Variants in QTMAN observed in about 807,000 individuals in gnomAD.
QTMAN encodes the protein queuosine-tRNA mannosyltransferase, also known as tRNA-queuosine alpha-mannosyltransferase.
At chr2:144,131,320 C>T in the QTMAN span, among the ~76,000 whole-genome samples, 9 of 151,908 alleles carry the variant, frequency 5.9e-5, no homozygotes, top group South Asian at 2.1e-4. Flanking sequence ...CGAAATCTCC[C>T]GGACACTCCT....
chr2:144,181,039 T>C, the QTMAN span, among the ~76,000 whole-genome samples: 3 of 152,284 alleles, frequency 2.0e-5, no homozygotes, highest in East Asian at 1.9e-4. Flanking sequence ...TGACATGACA[T>C]TGTATTTAAT....
chr2:144,117,936 C>T, the QTMAN span, among the ~76,000 whole-genome samples: 1 of 152,084 alleles, frequency 6.6e-6, no homozygotes, highest in African/African-American at 2.4e-5. Context: ...AGCTCCACCT[C>T]CTGGGTTCAC....
chr2:144,093,894 T>G, the QTMAN span, among the ~76,000 whole-genome samples: 1 of 152,232 alleles, frequency 6.6e-6, no homozygotes, highest in Non-Finnish European at 1.5e-5. Context: ...TATATACACA[T>G]TTATAAGCAG....
chr2:144,138,770 G>A, the QTMAN span, among the ~76,000 whole-genome samples: 7 of 152,180 alleles, frequency 4.6e-5, no homozygotes, highest in African/African-American at 1.7e-4. Flanking sequence ...AATGAAGATA[G>A]AAGATTTGGT....
chr2:144,207,474 C>T, the QTMAN span, among the ~76,000 whole-genome samples: 1 of 152,154 alleles, frequency 6.6e-6, no homozygotes, highest in Admixed American at 6.5e-5. Flanking sequence ...ATTGGAGCTT[C>T]CAACATGCCC....
chr2:143,963,455 A>G, the QTMAN span, among the ~76,000 whole-genome samples: 1,487 of 151,154 alleles, frequency 9.8e-3, 5 homozygotes, highest in Non-Finnish European at 0.015. Flanking sequence ...TACAAGTTGT[A>G]TTTCTGCTTC....
the QTMAN span, among the ~76,000 whole-genome samples, chr2:144,057,821 G>A: frequency 6.6e-6 from 1 of 152,034 alleles, no homozygotes; most frequent in African/African-American, 2.4e-5. Context: ...TGAATAACCA[G>A]GATCCAGGGT....
chr2:144,254,733 C>T, the QTMAN span, among the ~76,000 whole-genome samples: 3 of 152,306 alleles, frequency 2.0e-5, no homozygotes, highest in Non-Finnish European at 2.9e-5. Context: ...ACACTAAACA[C>T]GAGCCCATGG....
chr2:144,220,989 G>C, the QTMAN span, among the ~76,000 whole-genome samples: 1 of 152,148 alleles, frequency 6.6e-6, no homozygotes, highest in Non-Finnish European at 1.5e-5. Context: ...GTAAATGCCT[G>C]CTGGGGTACA....
At chr2:144,229,862 T>A in the QTMAN span, among the ~76,000 whole-genome samples, 1 of 152,152 alleles carries the variant, frequency 6.6e-6, no homozygotes, top group Admixed American at 6.5e-5. Flanking sequence ...CAGTCACAGG[T>A]AGAGGCTTCC....
chr2:143,982,867 A>AG, the QTMAN span, among the ~76,000 whole-genome samples: 2 of 151,068 alleles, frequency 1.3e-5, no homozygotes, highest in East Asian at 3.9e-4. Context: ...AAAAAAAAAA[A>AG]AAAAAAAGAA....
At chr2:143,947,691 G>A in the QTMAN span, among the ~76,000 whole-genome samples, 1 of 152,166 alleles carries the variant, frequency 6.6e-6, no homozygotes, top group African/African-American at 2.4e-5. Flanking sequence ...ATCACATAGA[G>A]GCCAAGAAGA....
At chr2:144,286,080 C>T in the QTMAN span, among the ~76,000 whole-genome samples, 5 of 152,158 alleles carry the variant, frequency 3.3e-5, no homozygotes, top group African/African-American at 1.2e-4. Flanking sequence ...TAGAAGACAG[C>T]CAACACACTA....
At chr2:144,090,618 C>CA in the QTMAN span, among the ~76,000 whole-genome samples, 1 of 151,378 alleles carries the variant, frequency 6.6e-6, no homozygotes, top group East Asian at 1.9e-4. Context: ...ATAACAGCAT[C>CA]AAAAAAAGGT....
the QTMAN span, among the ~76,000 whole-genome samples, chr2:144,245,541 G>T: frequency 1.5e-3 from 225 of 152,244 alleles, no homozygotes; most frequent in Middle Eastern, 3.4e-3. Context: ...ATAAGAAAAT[G>T]CTAGGAAATG....
chr2:144,200,209 A>G, the QTMAN span, among the ~76,000 whole-genome samples: 1 of 152,322 alleles, frequency 6.6e-6, no homozygotes, highest in South Asian at 2.1e-4. Flanking sequence ...AAGAATGTCT[A>G]TCTGTCTAAA....
the QTMAN span, among the ~76,000 whole-genome samples, chr2:144,162,164 C>A: frequency 6.6e-6 from 1 of 152,108 alleles, no homozygotes; most frequent in South Asian, 2.1e-4. Flanking sequence ...GATTTTTACA[C>A]GGTAATTTGC....
At chr2:144,208,655 G>A in the QTMAN span, 588 of 1,613,620 alleles carry the variant, frequency 3.6e-4, no homozygotes, top group Non-Finnish European at 4.4e-4. Flanking sequence ...GCAGATGTCC[G>A]GGCTCTCCAA....
At chr2:144,229,157 T>C in the QTMAN span, among the ~76,000 whole-genome samples, 1 of 152,194 alleles carries the variant, frequency 6.6e-6, no homozygotes, top group East Asian at 1.9e-4. Flanking sequence ...TCTAGTCATC[T>C]CCCTAAGGTA....
Sources: allele counts gnomAD v4.1 joint callset (sites outside exome capture counted in the v4.1 genomes callset), GRCh38; gene constraint gnomAD v4.1.1; transcripts MANE v1.5; gene names NCBI Gene and HGNC (gene_info 2026-07-23, HGNC 2026-07-21).